KRT80: variants seen among roughly 807,000 people sequenced by gnomAD.
The protein encoded by KRT80 is keratin, type II cytoskeletal 80.
A neutral mutation model predicts 51.5 loss-of-function variants in KRT80; 36 were observed. That is an observed-to-expected ratio of 0.70 (90% CI 0.54 to 0.92). The LOEUF is 0.92. Among genes scored for constraint, KRT80 ranks in the 40% least tolerant of loss-of-function variants. The probability of loss-of-function intolerance (pLI) is 0.00; values close to 1 mark genes in which losing one functional copy is unlikely to be tolerated. For synonymous variants in KRT80, 235 were observed against 248.3 expected, an observed-to-expected ratio of 0.95 and a Z score of 0.50; for missense variants, 566 against 591.7, an observed-to-expected ratio of 0.96 and a Z score of 0.45.
At chr12:52,176,824 T>C (rs547966695) in intron 4 of KRT80, among the ~76,000 whole-genome samples, 1 of 152,366 alleles carries the variant, frequency 6.6e-6, no homozygotes, top group South Asian at 2.1e-4. Flanking sequence ...AGTTTTTAAA[T>C]GTGTCTAAGC....
chr12:52,172,648 C>T (rs1941130168), intron 6 of KRT80, among the ~76,000 whole-genome samples: 1 of 152,190 alleles, frequency 6.6e-6, no homozygotes, highest in African/African-American at 2.4e-5. Context: ...CTAAAGGAGC[C>T]TGTCCCGGCT....
rs534977635 is a variant in KRT80 at position 52,191,651 on chromosome 12, C to T, written c.252G>A (p.Lys84=). The change falls in exon 1 of 9, where the codon AAG becomes AAA. Residue 84 remains lysine, a synonymous_variant. Coordinates refer to ENST00000394815, the MANE Select transcript of KRT80 (RefSeq NM_182507.3). ...TATCATTGAGGGCCTTCATCTCCTC[C>T]TTCTCCTGGTTCTTCAGCTGCTGAA... The part of the protein sequence containing the change: ...PAVQQLKNQE[K]EEMKALNDKF... The T allele has an allele frequency of 3.1e-6, 5 of 1,610,506 alleles. No individual in the cohort carries two copies. In the South Asian group the frequency reaches 5.5e-5, roughly 18 times the overall value.
rs1941142668 is a variant in KRT80, at chr12:52,173,061, G to A, written c.934C>T (p.Gln312Ter). The part of the protein sequence containing the change: ...LNVRIQKLRS[Q>*]ILSVKSHCLK... ...ACATGGCTCTTGACAGAGAGGATCTGGGACCGCAGCTTCTGGATGCGCACA... is the reference window on the plus strand; with the variant it reads ...ACATGGCTCTTGACAGAGAGGATCTAGGACCGCAGCTTCTGGATGCGCACA... Residue 312 changes from glutamine (Q) to a stop codon, truncating the protein, a stop_gained, in exon 6 of 9, where the codon CAG becomes TAG. Transcript: ENST00000394815. LOFTEE classifies it high-confidence loss of function. 1 of 1,612,492 alleles carries A rather than the reference G, an allele frequency of 6.2e-7. No homozygotes were observed. Among genetic ancestry groups the A allele is most frequent in the Non-Finnish European group, 8.5e-7 (1 of 1,178,792 alleles).
intron 4 of KRT80, among the ~76,000 whole-genome samples, chr12:52,176,583 G>A (rs781680483): frequency 5.9e-5 from 9 of 151,780 alleles, no homozygotes; most frequent in Non-Finnish European, 1.2e-4. Flanking sequence ...CCGGGTTCAA[G>A]CAATTCTCCT....
intron 4 of KRT80, among the ~76,000 whole-genome samples, chr12:52,176,766 C>A (rs188542914): frequency 7.7e-4 from 118 of 152,358 alleles, no homozygotes; most frequent in Non-Finnish European, 1.4e-3. Flanking sequence ...CAGGCGTGAG[C>A]CACTGTGCCC....
intron 2 of KRT80, 107 bp downstream of exon 2, chr12:52,185,272 G>T: frequency 9.1e-7 from 1 of 1,094,080 alleles, no homozygotes; most frequent in Non-Finnish European, 1.3e-6. Flanking sequence ...GTAAAGAAAT[G>T]TTGCAGAACA....
chr12:52,175,764 G>A (rs1452144930), intron 4 of KRT80, among the ~76,000 whole-genome samples: 5 of 152,084 alleles, frequency 3.3e-5, no homozygotes, highest in Non-Finnish European at 7.3e-5. Flanking sequence ...AATGAAAATA[G>A]AATCTCTGGG....
chr12:52,184,259 C>T (rs927869168), intron 2 of KRT80, among the ~76,000 whole-genome samples: 4 of 152,208 alleles, frequency 2.6e-5, no homozygotes, highest in Non-Finnish European at 4.4e-5. Context: ...CTGTCCTCCC[C>T]TCACGCTGGC....
At chr12:52,173,215 A>C in intron 5 of KRT80, 52 bp from the exon 6 acceptor site, 1 of 1,513,676 alleles carries the variant, frequency 6.6e-7, no homozygotes, top group Non-Finnish European at 8.9e-7. Flanking sequence ...CGCTCCCAGC[A>C]CTTGTTACCC....
rs1592354327 is a variant in KRT80 at position 52,170,267 on chromosome 12, T to C, written c.*1131A>G. 1 of 151,634 alleles carries C rather than the reference T, an allele frequency of 6.6e-6. No homozygotes were observed. Among genetic ancestry groups the C allele is most frequent in the African/African-American group, 2.4e-5 (1 of 40,950 alleles). 9.4% of individuals were successfully genotyped at this position (151,634 alleles called of 1,614,324 possible). ...CCTGGCCTGCTGGAGGCAGGGGGAG[T>C]GGGCATGGAGGGAGGAAGGGGAAGG... On this transcript the variant is annotated 3_prime_UTR_variant, in exon 9 of 9. Coordinates refer to ENST00000394815, the MANE Select transcript of KRT80 (RefSeq NM_182507.3).
chr12:52,173,299 A>G, intron 5 of KRT80, 136 bp from the exon 6 acceptor site: 1 of 1,215,044 alleles, frequency 8.2e-7, no homozygotes, highest in Non-Finnish European at 1.1e-6. Context: ...AGGCTCCCTC[A>G]GCTCCCCCTT....
chr12:52,176,813 A>G (rs1833277651), intron 4 of KRT80, among the ~76,000 whole-genome samples: 1 of 152,244 alleles, frequency 6.6e-6, no homozygotes, highest in Non-Finnish European at 1.5e-5. Context: ...AACCCTGGTC[A>G]AGTTTTTAAA....
At chr12:52,187,376 G>C (rs1941422514) in intron 1 of KRT80, among the ~76,000 whole-genome samples, 1 of 152,248 alleles carries the variant, frequency 6.6e-6, no homozygotes, top group South Asian at 2.1e-4. Context: ...GGGGTGTCAA[G>C]TGACTTCTCC....
At chr12:52,181,034 G>A (rs757047115) in intron 2 of KRT80, 71 bp from the exon 3 acceptor site, 3 of 1,243,890 alleles carry the variant, frequency 2.4e-6, no homozygotes, top group Non-Finnish European at 3.3e-6. Context: ...CCCTTGGTTG[G>A]GGCTCAGGGC....
chr12:52,183,661 G>A (rs1230406470), intron 2 of KRT80, among the ~76,000 whole-genome samples: 1 of 152,262 alleles, frequency 6.6e-6, no homozygotes, highest in African/African-American at 2.4e-5. Context: ...AAATGAGGGG[G>A]CTGAGCCAGA....
rs1941049441 is a variant in KRT80, at chr12:52,169,551, A to T, written c.*1847T>A. The stretch of plus-strand genomic sequence containing the variant: ...CTCCATAGACAAATCTCAACACTTT[A>T]TTCATCCTGTGGCAGCAAGAAGGGG... On this transcript the variant is annotated 3_prime_UTR_variant, in exon 9 of 9. Transcript: ENST00000394815. 6.6e-6 allele frequency: 1 copy of T among 152,660 alleles called. No homozygotes were observed. The highest frequency in any genetic ancestry group is 1.5e-5 in the Non-Finnish European group (1 of 68,044). The allele number at this position is 152,660 out of a possible 1,614,324, so 9.5% of individuals were successfully genotyped here. A position where few individuals can be genotyped will look rare whatever the true frequency, so the allele number is the denominator to read the frequency against.
chr12:52,183,511 A>G (rs915503812), intron 2 of KRT80, among the ~76,000 whole-genome samples: 1 of 151,618 alleles, frequency 6.6e-6, no homozygotes, highest in Admixed American at 6.6e-5. Context: ...TGGCCTGAAG[A>G]CCGAGAAGCC....
intron 6 of KRT80, 68 bp from the exon 7 acceptor site, chr12:52,172,486 G>T: frequency 7.0e-7 from 1 of 1,427,626 alleles, no homozygotes; most frequent in Non-Finnish European, 9.6e-7. Context: ...AGGGCCAGGA[G>T]TCGTCTCTGT....
chr12:52,181,942 C>T (rs982690557), intron 2 of KRT80, among the ~76,000 whole-genome samples: 4 of 152,250 alleles, frequency 2.6e-5, no homozygotes, highest in Admixed American at 6.5e-5. Flanking sequence ...CGCCTGCCTA[C>T]CTCAGGCCCT....
Sources: gnomAD v4.1 joint callset for allele counts (sites outside exome capture counted in the v4.1 genomes callset) on GRCh38, gnomAD v4.1.1 for gene constraint, MANE v1.5 for transcripts, NCBI Gene and HGNC (gene_info 2026-07-23, HGNC 2026-07-21) for gene names.